BBS4: variants seen among roughly 807,000 people sequenced by gnomAD.
The protein encoded by BBS4 is BBSome complex member BBS4.
Under a neutral mutation model 71.4 loss-of-function variants are expected in BBS4, and 58 were observed. That is an observed-to-expected ratio of 0.81 (90% CI 0.66 to 1.01). The LOEUF is 1.01. Among genes scored for constraint, BBS4 ranks in the 50% least tolerant of loss-of-function variants. The pLI, the probability that BBS4 is intolerant of heterozygous loss-of-function variation, is 0.00. For missense variants in BBS4, 660 were observed against 607.9 expected, an observed-to-expected ratio of 1.09 and a Z score of -0.90; for synonymous variants, 228 against 216.8, an observed-to-expected ratio of 1.05 and a Z score of -0.46.
chr15:72,712,175 T>C (rs2151019416), intron 3 of BBS4, 69 bp from the exon 4 acceptor site: 1 of 1,458,894 alleles, frequency 6.9e-7, no homozygotes, highest in East Asian at 2.3e-5. Context: ...CCTGTCCATG[T>C]CCACTTTTTC....
At chr15:72,712,176 C>A (rs1217656167) in intron 3 of BBS4, 68 bp from the exon 4 acceptor site, 1 of 1,466,598 alleles carries the variant, frequency 6.8e-7, no homozygotes, top group Non-Finnish European at 9.5e-7. Context: ...CTGTCCATGT[C>A]CACTTTTTCT....
chr15:72,704,936 A>G (rs920149046), intron 2 of BBS4, among the ~76,000 whole-genome samples: 6 of 152,074 alleles, frequency 3.9e-5, no homozygotes, highest in Non-Finnish European at 8.8e-5. Flanking sequence ...AACAGCAACA[A>G]TAATAGGTAA....
chr15:72,727,836 C>A, intron 8 of BBS4, 104 bp from the exon 9 acceptor site: 1 of 876,946 alleles, frequency 1.1e-6, no homozygotes, highest in Non-Finnish European at 1.9e-6. Context: ...GAGGAAGAGG[C>A]TCAGTGGGGT....
At chr15:72,697,948 G>A in intron 2 of BBS4, 1 of 455,722 alleles carries the variant, frequency 2.2e-6, no homozygotes, top group Non-Finnish European at 4.4e-6. Flanking sequence ...TGCTACATGA[G>A]GCTACTGAAG....
intron 10 of BBS4, among the ~76,000 whole-genome samples, chr15:72,730,072 C>G (rs1401311906): frequency 2.6e-5 from 4 of 151,028 alleles, no homozygotes; most frequent in African/African-American, 2.4e-5. Flanking sequence ...GTCAGGAGAT[C>G]GAGACCATCC....
intron 1 of BBS4, among the ~76,000 whole-genome samples, chr15:72,692,705 C>T (rs1257210702): frequency 6.6e-6 from 1 of 151,878 alleles, no homozygotes; most frequent in Non-Finnish European, 1.5e-5. Flanking sequence ...AGAGATCCTC[C>T]CACCTCAGCC....
chr15:72,705,968 T>C (rs1595917835), intron 2 of BBS4, among the ~76,000 whole-genome samples: 1 of 152,234 alleles, frequency 6.6e-6, no homozygotes, highest in East Asian at 1.9e-4. Context: ...GACTACTTAG[T>C]GATATACTAA....
chr15:72,735,766 T>C, intron 13 of BBS4, 59 bp from the exon 14 acceptor site: 2 of 1,606,204 alleles, frequency 1.2e-6, no homozygotes, highest in Non-Finnish European at 1.7e-6. Flanking sequence ...ATGAGAAGGA[T>C]CTCTAAATGA....
intron 2 of BBS4, among the ~76,000 whole-genome samples, chr15:72,701,461 T>C (rs2065167094): frequency 6.6e-6 from 1 of 152,138 alleles, no homozygotes; most frequent in South Asian, 2.1e-4. Context: ...CATACATACT[T>C]AGGAGTAGGA....
At chr15:72,693,855 C>T (rs180800582) in intron 1 of BBS4, among the ~76,000 whole-genome samples, 2 of 151,994 alleles carry the variant, frequency 1.3e-5, no homozygotes, top group Admixed American at 1.3e-4. Flanking sequence ...GTTGAAGAGC[C>T]AGCTGTCAGT....
At chr15:72,729,319 C>T (rs533366949) in intron 9 of BBS4, among the ~76,000 whole-genome samples, 4 of 148,786 alleles carry the variant, frequency 2.7e-5, no homozygotes, top group African/African-American at 7.5e-5. Context: ...GGCGTGATCT[C>T]GGCTCACTGC....
intron 10 of BBS4, 60 bp from the exon 11 acceptor site, chr15:72,731,245 G>A: frequency 1.2e-6 from 2 of 1,609,498 alleles, no homozygotes; most frequent in Non-Finnish European, 1.7e-6. Flanking sequence ...CAGGAAAGCT[G>A]CCCCACTGCT....
chr15:72,698,827 G>A (rs2151001979), intron 2 of BBS4, among the ~76,000 whole-genome samples: 1 of 152,264 alleles, frequency 6.6e-6, no homozygotes, highest in Non-Finnish European at 1.5e-5. Flanking sequence ...TTTTGTAGAT[G>A]CTGTACATGC....
intron 2 of BBS4, among the ~76,000 whole-genome samples, chr15:72,700,881 C>T (rs1311679061): frequency 6.6e-6 from 1 of 152,152 alleles, no homozygotes; most frequent in Non-Finnish European, 1.5e-5. Context: ...TGTCCTCTCC[C>T]TTTTCTGCAT....
rs113994182 is a variant in BBS4 at position 72,709,714 on chromosome 15, A to G, written c.91A>G (p.Ile31Val). 13 of 1,613,230 alleles carry G rather than the reference A, an allele frequency of 8.1e-6. No individual in the cohort carries two copies. The highest frequency in any genetic ancestry group is 2.2e-5 in the East Asian group (1 of 44,856). ...PRQKKAPEFP[I>V]LEKQNWLIHL... ...ATGCTGCCTAGCTCCAGAGTTTCCT[A>G]TTTTGGAGAAGCAGAACTGGTTGAT... The change falls in exon 3 of 16, where the codon ATT becomes GTT. Residue 31 changes from isoleucine to valine, a missense_variant. Transcript: ENST00000268057.
At chr15:72,728,090 T>TAAAA in intron 9 of BBS4, 96 bp downstream of exon 9, 1 of 850,570 alleles carries the variant, frequency 1.2e-6, no homozygotes, top group Non-Finnish European at 2.0e-6. Flanking sequence ...ATTTATTTTA[T>TAAAA]TAAAGGTCAT....
intron 1 of BBS4, among the ~76,000 whole-genome samples, chr15:72,688,046 CAAAAAAAAAAAAAAA>C (rs199931617): frequency 4.7e-5 from 4 of 84,890 alleles, no homozygotes; most frequent in African/African-American, 1.4e-4. Context: ...GACTCCGTCT[CAAAAAAAAAAAAAAA>C]AAAAAAAAGA....
chr15:72,706,357 C>T (rs187828143), intron 2 of BBS4, among the ~76,000 whole-genome samples: 183 of 152,134 alleles, frequency 1.2e-3, no homozygotes, highest in African/African-American at 3.9e-3. Context: ...AGGATTGTTT[C>T]GATCTCCTGA....
At chr15:72,694,873 T>G (rs2065047362) in intron 1 of BBS4, among the ~76,000 whole-genome samples, 3 of 152,318 alleles carry the variant, frequency 2.0e-5, no homozygotes, top group South Asian at 4.1e-4. Flanking sequence ...AATACTCATA[T>G]GAGGTGTTTA....
Sources: gnomAD v4.1 joint callset for allele counts (sites outside exome capture counted in the v4.1 genomes callset) on GRCh38, gnomAD v4.1.1 for gene constraint, MANE v1.5 for transcripts, NCBI Gene and HGNC (gene_info 2026-07-23, HGNC 2026-07-21) for gene names.